The following VPS53 variants were observed in gnomAD, a reference collection of about 807,000 sequenced individuals.
VPS53 encodes vacuolar protein sorting-associated protein 53 homolog.
VPS53 carries 70 observed loss-of-function variants against 107.0 expected under a neutral mutation model. That is an observed-to-expected ratio of 0.65 (90% CI 0.54 to 0.80). The LOEUF is 0.80. Among genes scored for constraint, VPS53 ranks in the 30% least tolerant of loss-of-function variants. VPS53 has a pLI of 0.00. For synonymous variants in VPS53, 409 were observed against 393.3 expected, an observed-to-expected ratio of 1.04 and a Z score of -0.47; for missense variants, 917 against 1,049.4, an observed-to-expected ratio of 0.87 and a Z score of 1.74.
intron 6 of VPS53, among the ~76,000 whole-genome samples, chr17:653,922 G>A (rs1323947035): frequency 2.6e-5 from 4 of 152,214 alleles, no homozygotes; most frequent in Admixed American, 6.5e-5. Context: ...GTGGGAGGCC[G>A]AGGTGGCTCA....
rs747891514 is a variant in VPS53 at position 710,548 on chromosome 17, C to A, written c.153G>T (p.Leu51=). The change falls in exon 2 of 22, where the codon CTG becomes CTT. Residue 51 remains leucine, a synonymous_variant. Coordinates refer to ENST00000437048, the MANE Select transcript of VPS53 (RefSeq NM_001128159.3). Reference sequence around the variant, plus strand: ...CTCTACTTACTTGCTCGGTTGGGAACAGGGTATTGATATACTCAACAGCAT... The same window carrying A: ...CTCTACTTACTTGCTCGGTTGGGAAAAGGGTATTGATATACTCAACAGCAT... ...DFNAVEYINT[L]FPTEQSLANI... The A allele has an allele frequency of 1.9e-6, 3 of 1,613,876 alleles. No homozygotes were observed. The highest frequency in any genetic ancestry group is 2.5e-6 in the Non-Finnish European group (3 of 1,179,882).
At chr17:660,605 C>T (rs1454171230) in intron 5 of VPS53, among the ~76,000 whole-genome samples, 1 of 151,858 alleles carries the variant, frequency 6.6e-6, no homozygotes, top group East Asian at 1.9e-4. Flanking sequence ...GCTTTGAGGG[C>T]CCCTGGTGCT....
Position 533,639 on chromosome 17 carries a change from C to T in VPS53, c.2016-728G>A, listed in dbSNP as rs573672249. On this transcript the variant is annotated intron_variant, in intron 18 of 21. Transcript: ENST00000437048. ...TAGAAAGCCTTTCTTCTGCTGCCTT[C>T]GCCATACTCTACATGGAGTCTGCAG... is the stretch of plus-strand genomic sequence containing the variant. 2.0e-5 allele frequency among the ~76,000 whole-genome samples: 3 copies of T among 152,328 alleles called. No homozygotes were observed. In the East Asian group the frequency reaches 5.8e-4, roughly 29 times the overall value.
At chr17:712,715 A>G (rs1483641791) in intron 1 of VPS53, among the ~76,000 whole-genome samples, 1 of 152,152 alleles carries the variant, frequency 6.6e-6, no homozygotes, top group Non-Finnish European at 1.5e-5. Flanking sequence ...ATTCTTACAA[A>G]ATAGGAAAAA....
rs1456580628 is a variant in VPS53, at chr17:710,517, C to A, written c.168+16G>T. 6.2e-7 allele frequency: 1 copy of A among 1,606,912 alleles called. No homozygotes were observed. Among genetic ancestry groups the A allele is most frequent in the Middle Eastern group, 1.7e-4 (1 of 6,048 alleles). Reference sequence around the variant, plus strand: ...CAAAAGCTGCTGAAAGGAAGGAAACCTGAAACTCTACTTACTTGCTCGGTT... The same window carrying A: ...CAAAAGCTGCTGAAAGGAAGGAAACATGAAACTCTACTTACTTGCTCGGTT... On this transcript the variant is annotated intron_variant, in intron 2 of 21. Transcript: ENST00000437048.
intron 11 of VPS53, among the ~76,000 whole-genome samples, chr17:606,625 C>G (rs1371718682): frequency 1.3e-5 from 2 of 152,138 alleles, no homozygotes; most frequent in Non-Finnish European, 2.9e-5. Context: ...GCCAGGGGTC[C>G]CCAACCCCTG....
chr17:602,024 G>GCA (rs1056433049), intron 11 of VPS53, 128 bp from the exon 12 acceptor site: 11 of 601,854 alleles, frequency 1.8e-5, no homozygotes, highest in Non-Finnish European at 2.9e-5. Flanking sequence ...AAGAACTGAG[G>GCA]CAACCCAGAC....
intron 4 of VPS53, 36 bp from the exon 5 acceptor site, chr17:661,931 G>T: frequency 6.7e-7 from 1 of 1,489,406 alleles, no homozygotes; most frequent in Non-Finnish European, 9.2e-7. Context: ...ACAAAAAGTG[G>T]CTAGAGACAG....
At chr17:624,466 T>C (rs1423469304) in intron 10 of VPS53, among the ~76,000 whole-genome samples, 1 of 152,182 alleles carries the variant, frequency 6.6e-6, no homozygotes, top group African/African-American at 2.4e-5. Context: ...AGAAGCTCAG[T>C]TGCTGGTGAA....
intron 13 of VPS53, among the ~76,000 whole-genome samples, chr17:576,078 G>A (rs1010267409): frequency 1.3e-5 from 2 of 149,070 alleles, no homozygotes; most frequent in Non-Finnish European, 3.0e-5. Context: ...AGGACCAAAT[G>A]AGTTCCGAAA....
intron 4 of VPS53, among the ~76,000 whole-genome samples, chr17:682,054 T>C (rs998672087): frequency 6.6e-6 from 1 of 152,198 alleles, no homozygotes; most frequent in South Asian, 2.1e-4. Context: ...CATAGATATA[T>C]GTAATTAGAA....
At chr17:626,298 G>A (rs574605319) in intron 10 of VPS53, among the ~76,000 whole-genome samples, 10 of 152,084 alleles carry the variant, frequency 6.6e-5, no homozygotes, top group African/African-American at 2.2e-4. Flanking sequence ...TTAATATAAA[G>A]AGACTATCTG....
At position 698,450 on chromosome 17, in the gene VPS53, AT is replaced by A. The variant is rs776974594; in HGVS notation, c.218+880del. 1.9e-3 allele frequency among the ~76,000 whole-genome samples: 284 copies of A among 151,870 alleles called. No homozygotes were observed. In the Middle Eastern group the frequency reaches 0.02, roughly 11 times the overall value. On this transcript the variant is annotated intron_variant, in intron 3 of 21. Coordinates refer to ENST00000437048, the MANE Select transcript of VPS53 (RefSeq NM_001128159.3). ...TCCATCTCAAAAAAAAAAAAAAAAAATCTAGTAGATGTGGGAGACTGAGGCA... is the reference window on the plus strand; with the variant it reads ...TCCATCTCAAAAAAAAAAAAAAAAAACTAGTAGATGTGGGAGACTGAGGCA...
intron 13 of VPS53, among the ~76,000 whole-genome samples, chr17:580,062 C>T (rs1966911128): frequency 6.7e-6 from 1 of 149,626 alleles, no homozygotes; most frequent in African/African-American, 2.5e-5. Context: ...GAAAACCTCC[C>T]TCAGGACCTA....
intron 15 of VPS53, among the ~76,000 whole-genome samples, chr17:555,992 G>T (rs1391755486): frequency 6.6e-6 from 1 of 152,140 alleles, no homozygotes; most frequent in Admixed American, 6.6e-5. Flanking sequence ...TTAATAATCT[G>T]AGCAGGCTGG....
chr17:572,428 C>G lies in VPS53; in HGVS notation c.1314-9683G>C, dbSNP rs960669594. Among the ~76,000 whole-genome samples the G allele has an allele frequency of 1.1e-4, 17 of 149,216 alleles. 1 individual carries two copies. The South Asian group carries it at 3.6e-3, about 32-fold the overall frequency. On this transcript the variant is annotated intron_variant, in intron 13 of 21. Transcript: ENST00000437048. ...GAGGGAGGTGGGGGGGTCAGCCCCC[C>G]GCCCGGCCAGCCGCCCCATCCGGGA...
intron 4 of VPS53, among the ~76,000 whole-genome samples, chr17:682,995 G>GA (rs1350961609): frequency 1.3e-5 from 2 of 151,948 alleles, no homozygotes; most frequent in Admixed American, 6.6e-5. Flanking sequence ...GGAAATGCTA[G>GA]AAAAAAGGAC....
chr17:517,433 G>A lies in VPS53; in HGVS notation c.*1695C>T, dbSNP rs1908387103. On this transcript the variant is annotated 3_prime_UTR_variant, in exon 22 of 22. Transcript: ENST00000437048. ...TTATGTTGGGAAACAAGGTGGGGAT[G>A]AGGAAATCAGGTTTCCAGGCAGATT... The A allele has an allele frequency of 1.3e-5, 5 of 398,836 alleles. No individual in the cohort carries two copies. The South Asian group carries it at 5.1e-4, about 41-fold the overall frequency. The allele number at this position is 398,836 out of a possible 1,614,324, so 24.7% of individuals were successfully genotyped here.
Position 562,873 on chromosome 17 carries a change from C to T in VPS53, c.1314-128G>A, listed in dbSNP as rs1030045295. On this transcript the variant is annotated intron_variant, in intron 13 of 21. Transcript: ENST00000437048. ...TCCTACTGCATTTAAAACTTAAAAT[C>T]GGATCGATTTTAATCAATATCATCA... 3 of 1,095,056 alleles carry T rather than the reference C, an allele frequency of 2.7e-6. No homozygotes were observed. In the South Asian group the frequency reaches 4.9e-5, roughly 18 times the overall value. 67.8% of individuals were successfully genotyped at this position (1,095,056 alleles called of 1,614,324 possible).
Sources: gnomAD v4.1 joint callset for allele counts (sites outside exome capture counted in the v4.1 genomes callset) on GRCh38, gnomAD v4.1.1 for gene constraint, MANE v1.5 for transcripts, NCBI Gene and HGNC (gene_info 2026-07-23, HGNC 2026-07-21) for gene names.